The following PCDHA8 variants were observed in gnomAD, a reference collection of about 807,000 sequenced individuals.
The protein encoded by PCDHA8 is protocadherin alpha 8.
PCDHA8 carries 53 observed loss-of-function variants against 61.8 expected under a neutral mutation model. The observed-to-expected ratio is 0.86, with a 90% CI of 0.69 to 1.08. The LOEUF (loss-of-function observed/expected upper bound fraction) is 1.08, where lower values mean the gene tolerates loss of function less well. PCDHA8 is among the 50% of genes least tolerant of loss of function. The pLI, the probability that PCDHA8 is intolerant of heterozygous loss-of-function variation, is 0.00. For missense variants in PCDHA8, 1,293 were observed against 1,245.0 expected, an observed-to-expected ratio of 1.04 and a Z score of -0.58; for synonymous variants, 618 against 556.6, an observed-to-expected ratio of 1.11 and a Z score of -1.55.
intron 3 of PCDHA8, among the ~76,000 whole-genome samples, chr5:140,995,339 G>A (rs782776966): frequency 1.3e-4 from 20 of 152,026 alleles, no homozygotes; most frequent in Non-Finnish European, 7.4e-5. Context: ...TAGTGTAGAC[G>A]GCATGGATAG....
chr5:140,927,821 T>C (rs1554205108), intron 1 of PCDHA8: 1 of 1,614,118 alleles, frequency 6.2e-7, no homozygotes, highest in South Asian at 1.1e-5. Context: ...GAGGCATACA[T>C]TGAGGCGAGG....
At chr5:140,848,487 G>C (rs782524885) in intron 1 of PCDHA8, 2 of 1,574,380 alleles carry the variant, frequency 1.3e-6, no homozygotes, top group Non-Finnish European at 1.7e-6. Flanking sequence ...AGAAGACTGA[G>C]TATTTGAAAT....
intron 1 of PCDHA8, among the ~76,000 whole-genome samples, chr5:140,886,582 C>A (rs1304608793): frequency 6.6e-6 from 1 of 151,938 alleles, no homozygotes; most frequent in African/African-American, 2.4e-5. Flanking sequence ...AATCCCAGCA[C>A]TTTGGGAGGC....
intron 3 of PCDHA8, among the ~76,000 whole-genome samples, chr5:140,989,348 G>A (rs1455202093): frequency 6.6e-6 from 1 of 152,196 alleles, no homozygotes; most frequent in African/African-American, 2.4e-5. Context: ...GCTCAAAGGT[G>A]ATAGGTCACC....
chr5:140,884,158 G>A (rs376345503), intron 1 of PCDHA8: 8 of 1,613,488 alleles, frequency 5.0e-6, no homozygotes, highest in African/African-American at 1.3e-5. Context: ...ACACTGGCGA[G>A]ATCAGCACGA....
At chr5:140,875,685 C>G (rs563250653) in intron 1 of PCDHA8, 1 of 1,613,816 alleles carries the variant, frequency 6.2e-7, no homozygotes. Context: ...CCAAAAGACA[C>G]GGGGACCTTC....
At chr5:140,907,381 G>T (rs2073350294) in intron 1 of PCDHA8, among the ~76,000 whole-genome samples, 1 of 152,180 alleles carries the variant, frequency 6.6e-6, no homozygotes, top group African/African-American at 2.4e-5. Context: ...TGAGTGCCTT[G>T]GTCAAAGGCA....
chr5:140,904,195 C>T (rs1554191353), intron 1 of PCDHA8, among the ~76,000 whole-genome samples: 1 of 151,930 alleles, frequency 6.6e-6, no homozygotes, highest in Admixed American at 6.6e-5. Context: ...CCCACCCTTT[C>T]CCCCTAAGTC....
chr5:140,963,454 T>G (rs1299471186), intron 1 of PCDHA8, among the ~76,000 whole-genome samples: 2 of 152,242 alleles, frequency 1.3e-5, no homozygotes, highest in African/African-American at 4.8e-5. Context: ...TGCTAAAGTA[T>G]TTCTGTGTTT....
intron 1 of PCDHA8, chr5:140,862,483 G>A (rs1433222220): frequency 1.6e-5 from 6 of 382,112 alleles, no homozygotes; most frequent in Non-Finnish European, 2.6e-5. Context: ...ATCCATTGTT[G>A]GTAATCGCTC....
chr5:140,869,591 A>G (rs782105068), intron 1 of PCDHA8: 2 of 1,614,020 alleles, frequency 1.2e-6, no homozygotes, highest in Non-Finnish European at 1.7e-6. Flanking sequence ...GCTGACATTG[A>G]AGAGAATGCT....
At chr5:140,863,313 G>C (rs782656693) in intron 1 of PCDHA8, 5 of 1,460,034 alleles carry the variant, frequency 3.4e-6, no homozygotes, top group Non-Finnish European at 4.6e-6. Flanking sequence ...TCTGCGTGGT[G>C]TCCAGCCTGT....
intron 1 of PCDHA8, among the ~76,000 whole-genome samples, chr5:140,902,264 C>G (rs1187258512): frequency 6.8e-6 from 1 of 147,240 alleles, no homozygotes; most frequent in Admixed American, 6.9e-5. Context: ...TCTCGAACTC[C>G]TGGGCTCAAG....
intron 1 of PCDHA8, among the ~76,000 whole-genome samples, chr5:140,904,259 C>T (rs2070990539): frequency 6.6e-6 from 1 of 152,066 alleles, no homozygotes. Context: ...GCTTAGCTCC[C>T]ACTTATGAAT....
intron 1 of PCDHA8, among the ~76,000 whole-genome samples, chr5:140,941,191 T>TTTTTC (rs1554213809): frequency 1.8e-4 from 17 of 93,256 alleles, no homozygotes; most frequent in Middle Eastern, 5.1e-3. Context: ...GCTTCTTTTT[T>TTTTTC]TTTCTTTCTT....
At chr5:141,004,681 G>A (rs1554259668) in intron 3 of PCDHA8, among the ~76,000 whole-genome samples, 1 of 152,176 alleles carries the variant, frequency 6.6e-6, no homozygotes. Flanking sequence ...CTGTGGAGTG[G>A]TGCTGAAACC....
chr5:140,944,582 C>T (rs1273246926), intron 1 of PCDHA8, among the ~76,000 whole-genome samples: 1 of 152,146 alleles, frequency 6.6e-6, no homozygotes, highest in Non-Finnish European at 1.5e-5. Flanking sequence ...GAGATCACTT[C>T]AGAATTTCCC....
chr5:140,938,406 T>A (rs1283027205), intron 1 of PCDHA8, among the ~76,000 whole-genome samples: 1 of 152,240 alleles, frequency 6.6e-6, no homozygotes, highest in African/African-American at 2.4e-5. Context: ...ATTGTTTGAT[T>A]GGGTTTATTT....
intron 1 of PCDHA8, among the ~76,000 whole-genome samples, chr5:140,933,958 G>A (rs2089541288): frequency 1.3e-5 from 2 of 151,998 alleles, no homozygotes; most frequent in South Asian, 4.1e-4. Context: ...AGGATCTGTA[G>A]TGATGTTTCC....
Sources: gnomAD v4.1 joint callset for allele counts (sites outside exome capture counted in the v4.1 genomes callset) on GRCh38, gnomAD v4.1.1 for gene constraint, MANE v1.5 for transcripts, NCBI Gene and HGNC (gene_info 2026-07-23, HGNC 2026-07-21) for gene names.